KRT80: variants seen among roughly 807,000 people sequenced by gnomAD.
The protein encoded by KRT80 is keratin, type II cytoskeletal 80.
KRT80 carries 36 observed loss-of-function variants against 51.5 expected under a neutral mutation model. That is an observed-to-expected ratio of 0.70 (90% CI 0.54 to 0.92). The LOEUF (loss-of-function observed/expected upper bound fraction) is 0.92. Ranked by LOEUF, KRT80 falls within the 40% of genes least tolerant of loss-of-function variation. The probability of loss-of-function intolerance (pLI) is 0.00; values close to 1 mark genes in which losing one functional copy is unlikely to be tolerated. For synonymous variants in KRT80, 235 were observed against 248.3 expected, an observed-to-expected ratio of 0.95 and a Z score of 0.50; for missense variants, 566 against 591.7, an observed-to-expected ratio of 0.96 and a Z score of 0.45.
intron 1 of KRT80, among the ~76,000 whole-genome samples, chr12:52,186,364 TC>T (rs1941403766): frequency 6.6e-6 from 1 of 152,108 alleles, no homozygotes; most frequent in Non-Finnish European, 1.5e-5. Context: ...GCCACTACTC[TC>T]CCCATGAGAC....
At position 52,173,126 on chromosome 12, in the gene KRT80, C is replaced by T. The variant is rs200827689; in HGVS notation, c.869G>A (p.Ser290Asn). Residue 290 changes from serine (S) to asparagine (N), a missense_variant, in exon 6 of 9, where the codon AGC becomes AAC. By Grantham distance (46) the Ser-to-Asn change is conservative. Transcript: ENST00000394815. ...CTCGCTGCGGCTGCTCTGGAGGCTG[C>T]TCCCATACTCGGCCGAGCGGGCGGC... is the stretch of plus-strand genomic sequence containing the variant. ...EQAARSAEYG[S>N]SLQSSRSEIA... 17 of 1,612,908 alleles carry T rather than the reference C, an allele frequency of 1.1e-5. No individual in the cohort carries two copies. In the Admixed American group the frequency reaches 2.8e-4, roughly 27 times the overall value.
intron 4 of KRT80, 102 bp from the exon 5 acceptor site, chr12:52,173,866 C>A: frequency 8.5e-7 from 1 of 1,181,526 alleles, no homozygotes; most frequent in Middle Eastern, 2.1e-4. Context: ...GAGAGTGGAG[C>A]TGCTCCCTTC....
chr12:52,173,255 C>A, intron 5 of KRT80, 92 bp from the exon 6 acceptor site: 1 of 1,394,086 alleles, frequency 7.2e-7, no homozygotes, highest in Non-Finnish European at 9.4e-7. Context: ...TCCTCCAGTC[C>A]CATCTCCAAC....
chr12:52,179,946 G>A (rs761965745), intron 4 of KRT80, among the ~76,000 whole-genome samples: 7 of 152,226 alleles, frequency 4.6e-5, no homozygotes, highest in South Asian at 2.1e-4. Context: ...AGAAGCCAGC[G>A]GCAGTGCCCA....
intron 4 of KRT80, among the ~76,000 whole-genome samples, chr12:52,175,550 G>A (rs1402499576): frequency 5.3e-5 from 8 of 152,050 alleles, no homozygotes; most frequent in Non-Finnish European, 1.2e-4. Context: ...GGGATGAGGG[G>A]CCAGCTAGGG....
Position 52,191,813 on chromosome 12 carries a change from T to C in KRT80, c.90A>G (p.Gly30=), listed in dbSNP as rs1198878493. The C allele has an allele frequency of 3.1e-6, 5 of 1,602,304 alleles. No homozygotes were observed. The Admixed American group carries it at 8.5e-5, about 27-fold the overall frequency. Residue 30 remains glycine (G), a synonymous_variant, in exon 1 of 9, where the codon GGA becomes GGG. Transcript: ENST00000394815. The part of the protein sequence containing the change: ...PVGSPRPGTS[G]WDSCRAPGPG... ...GCCCGGGGGCCCTGCAGCTGTCCCA[T>C]CCTGAGGTTCCAGGCCGGGGGCTGC...
At position 52,171,417 on chromosome 12, in the gene KRT80, T is replaced by A. The variant is rs1321125852; in HGVS notation, c.1340A>T (p.Glu447Val). ...GCCGCCTTACTCTGAGACCTCCGAC[T>A]CCTGCGAGAAGTACTTCTCTGACAT... The part of the protein sequence containing the change: ...TEMSEKYFSQ[E>V]SEVSE Residue 447 changes from glutamate (E) to valine (V), a missense_variant, in exon 9 of 9, where the codon GAG (glutamate) becomes GTG (valine). Glu to Val is a moderately radical substitution (Grantham distance 121). Coordinates refer to ENST00000394815, the MANE Select transcript of KRT80 (RefSeq NM_182507.3). 6.2e-7 allele frequency: 1 copy of A among 1,603,506 alleles called. No individual in the cohort carries two copies.
Position 52,191,910 on chromosome 12 carries a change from C to G in KRT80, c.-8G>C, listed in dbSNP as rs980945851. 1 of 1,458,708 alleles carries G rather than the reference C, an allele frequency of 6.9e-7. No individual in the cohort carries two copies. Among genetic ancestry groups the G allele is most frequent in the African/African-American group, 1.4e-5 (1 of 70,388 alleles). 90.4% of individuals were successfully genotyped at this position (1,458,708 alleles called of 1,614,324 possible). A position where few individuals can be genotyped will look rare whatever the true frequency, so the allele number is the denominator to read the frequency against. On this transcript the variant is annotated 5_prime_UTR_variant, in exon 1 of 9. Transcript: ENST00000394815. ...GCAGGAGCGGCAGGCCATGGTGCCC[C>G]CGGCCGGAAGCAGGAGGGCCCAGGG...
Position 52,191,829 on chromosome 12 carries a change from CG to C in KRT80, c.73del (p.Arg25GlyfsTer34). On this transcript the variant is annotated frameshift_variant, in exon 1 of 9. Transcript: ENST00000394815. LOFTEE classifies it high-confidence loss of function. ...GCTGTCCCATCCTGAGGTTCCAGGC[CG>C]GGGGCTGCCCACCGGGGTCACCTCA... ...SCEVTPVGSP[R>X]PGTSGWDSCR... The C allele has an allele frequency of 3.1e-6, 5 of 1,587,924 alleles. No homozygotes were observed. The highest frequency in any genetic ancestry group is 3.5e-5 in the Admixed American group (2 of 57,112).
Position 52,171,589 on chromosome 12 carries a change from C to CT in KRT80, c.1234+68dup, listed in dbSNP as rs758302749. The CT allele has an allele frequency of 3.7e-6, 6 of 1,611,768 alleles. No homozygotes were observed. In the South Asian group the frequency reaches 5.5e-5, roughly 15 times the overall value. On this transcript the variant is annotated intron_variant, in intron 8 of 8. Coordinates refer to ENST00000394815, the MANE Select transcript of KRT80 (RefSeq NM_182507.3). Reference sequence around the variant, plus strand: ...GTTTGGGAGCCACTTAAAATGATGCCTTTAGGATCATGATCCCCTACACCC... The same window carrying CT: ...GTTTGGGAGCCACTTAAAATGATGCCTTTTAGGATCATGATCCCCTACACCC...
chr12:52,176,233 C>T (rs374854105), intron 4 of KRT80, among the ~76,000 whole-genome samples: 27 of 152,144 alleles, frequency 1.8e-4, no homozygotes, highest in Admixed American at 1.7e-3. Context: ...TATGACAATT[C>T]GGGCTTGTGT....
chr12:52,172,807 C>T (rs1480398268), intron 6 of KRT80, among the ~76,000 whole-genome samples: 5 of 152,160 alleles, frequency 3.3e-5, no homozygotes, highest in African/African-American at 7.2e-5. Context: ...GGCTTTCTAA[C>T]GTTCCAGCAG....
chr12:52,186,679 A>T (rs1339213540), intron 1 of KRT80, among the ~76,000 whole-genome samples: 1 of 152,132 alleles, frequency 6.6e-6, no homozygotes, highest in Non-Finnish European at 1.5e-5. Flanking sequence ...GGGCCCTGGG[A>T]TCCCAGCTAC....
chr12:52,178,814 C>T (rs1043811606), intron 4 of KRT80, among the ~76,000 whole-genome samples: 2 of 151,798 alleles, frequency 1.3e-5, no homozygotes, highest in Admixed American at 1.3e-4. Flanking sequence ...CTCCATGCTA[C>T]AGATAAGGAC....
chr12:52,185,776 T>A, intron 1 of KRT80, 189 bp from the exon 2 acceptor site: 1 of 1,270,922 alleles, frequency 7.9e-7, no homozygotes, highest in Non-Finnish European at 1.1e-6. Context: ...GATGGTGAGA[T>A]AAGGACAGGA....
In KRT80 at chr12:52,191,649, T is replaced by A. The variant is rs1238139743; in HGVS notation, c.254A>T (p.Glu85Val). 3 of 1,609,956 alleles carry A rather than the reference T, an allele frequency of 1.9e-6. No homozygotes were observed. The South Asian group carries it at 3.3e-5, about 18-fold the overall frequency. Reference sequence around the variant, plus strand: ...TTTATCATTGAGGGCCTTCATCTCCTCCTTCTCCTGGTTCTTCAGCTGCTG... The same window carrying A: ...TTTATCATTGAGGGCCTTCATCTCCACCTTCTCCTGGTTCTTCAGCTGCTG... ...AVQQLKNQEKEEMKALNDKFA... is the reference protein window; with the variant it reads ...AVQQLKNQEKVEMKALNDKFA... Residue 85 changes from glutamate to valine, a missense_variant, in exon 1 of 9, where the codon GAG becomes GTG. Coordinates refer to ENST00000394815, the MANE Select transcript of KRT80 (RefSeq NM_182507.3).
chr12:52,176,778 G>A (rs1309513200), intron 4 of KRT80, among the ~76,000 whole-genome samples: 1 of 152,222 alleles, frequency 6.6e-6, no homozygotes, highest in Non-Finnish European at 1.5e-5. Flanking sequence ...ACTGTGCCCG[G>A]CCAATCACTT....
intron 4 of KRT80, among the ~76,000 whole-genome samples, chr12:52,176,565 T>C (rs1359786368): frequency 1.3e-5 from 2 of 151,208 alleles, no homozygotes; most frequent in African/African-American, 2.4e-5. Flanking sequence ...CACTGCAACC[T>C]CTGCCTCCCG....
chr12:52,190,471 C>T (rs1037039215), intron 1 of KRT80, among the ~76,000 whole-genome samples: 1 of 152,224 alleles, frequency 6.6e-6, no homozygotes, highest in Non-Finnish European at 1.5e-5. Flanking sequence ...TACTTTCTTC[C>T]CTCTGCCCCT....
Sources: gnomAD v4.1 joint callset for allele counts (sites outside exome capture counted in the v4.1 genomes callset) on GRCh38, gnomAD v4.1.1 for gene constraint, MANE v1.5 for transcripts, NCBI Gene and HGNC (gene_info 2026-07-23, HGNC 2026-07-21) for gene names.